GRIK2: variants seen among roughly 807,000 people sequenced by gnomAD.
GRIK2 encodes glutamate ionotropic receptor kainate type subunit 2, also known as glutamate receptor ionotropic, kainate 2.
A neutral mutation model predicts 100.3 loss-of-function variants in GRIK2; 32 were observed. The ratio of observed to expected loss-of-function variants is 0.32; its 90% CI spans 0.24 to 0.43. The LOEUF (loss-of-function observed/expected upper bound fraction) is 0.43. Ranked by LOEUF, GRIK2 falls within the 20% of genes least tolerant of loss-of-function variation. The pLI, the probability that GRIK2 is intolerant of heterozygous loss-of-function variation, is 1.00. For synonymous variants in GRIK2, 417 were observed against 389.4 expected, an observed-to-expected ratio of 1.07 and a Z score of -0.83; for missense variants, 843 against 1,114.9, an observed-to-expected ratio of 0.76 and a Z score of 3.47.
chr6:101,563,846 C>T (rs548717448), intron 2 of GRIK2, among the ~76,000 whole-genome samples: 3 of 151,954 alleles, frequency 2.0e-5, no homozygotes, highest in East Asian at 1.9e-4. Context: ...CTGATTTTAG[C>T]ACATTTTAGT....
intron 2 of GRIK2, among the ~76,000 whole-genome samples, chr6:101,432,799 A>G (rs1769482957): frequency 6.6e-6 from 1 of 152,200 alleles, no homozygotes; most frequent in South Asian, 2.1e-4. Flanking sequence ...TATTTTCTTG[A>G]GAAGGGATCA....
Position 101,799,634 on chromosome 6 carries a change from C to G in GRIK2, c.952-14C>G, listed in dbSNP as rs754498923. The G allele has an allele frequency of 3.7e-6, 6 of 1,609,400 alleles. No individual in the cohort carries two copies. The highest frequency in any genetic ancestry group is 5.1e-6 in the Non-Finnish European group (6 of 1,175,868). On this transcript the variant is annotated splice_polypyrimidine_tract_variant and intron_variant, in intron 7 of 16. Coordinates refer to ENST00000369134, the MANE Select transcript of GRIK2 (RefSeq NM_021956.5). ...TTATATTGACTATAAATTTCCCTTT[C>G]CCTTGCTTTTCAGACTGATGCTGCT...
At chr6:101,681,369 G>T (rs998646530) in intron 5 of GRIK2, among the ~76,000 whole-genome samples, 1 of 151,112 alleles carries the variant, frequency 6.6e-6, no homozygotes, top group Non-Finnish European at 1.5e-5. Flanking sequence ...GGGACTAAAG[G>T]CATGTGCCAC....
intron 10 of GRIK2, among the ~76,000 whole-genome samples, chr6:101,827,604 A>C (rs1169301859): frequency 6.6e-6 from 1 of 152,000 alleles, no homozygotes; most frequent in Non-Finnish European, 1.5e-5. Context: ...GGTGGAAAAC[A>C]AAAAAAGGAC....
chr6:101,470,679 CTT>C (rs1429708363), intron 2 of GRIK2, among the ~76,000 whole-genome samples: 3 of 152,020 alleles, frequency 2.0e-5, no homozygotes, highest in Non-Finnish European at 4.4e-5. Flanking sequence ...TATACTCAGA[CTT>C]TGTGAGTCTT....
At chr6:101,550,526 T>C (rs761129432) in intron 2 of GRIK2, among the ~76,000 whole-genome samples, 6 of 152,226 alleles carry the variant, frequency 3.9e-5, no homozygotes, top group Non-Finnish European at 8.8e-5. Flanking sequence ...AACAGCTTTG[T>C]AATGTCATTG....
intron 2 of GRIK2, among the ~76,000 whole-genome samples, chr6:101,459,713 G>T (rs1200334205): frequency 6.6e-6 from 1 of 151,926 alleles, no homozygotes; most frequent in Non-Finnish European, 1.5e-5. Flanking sequence ...GCTCACTCTA[G>T]AGTGTCCTCA....
chr6:101,484,906 C>T (rs1314153775), intron 2 of GRIK2, among the ~76,000 whole-genome samples: 2 of 152,084 alleles, frequency 1.3e-5, no homozygotes, highest in African/African-American at 2.4e-5. Context: ...TCACTGGAAA[C>T]ATTTATCACT....
At chr6:101,687,076 ATAAG>A (rs941004160) in intron 7 of GRIK2, among the ~76,000 whole-genome samples, 2 of 152,088 alleles carry the variant, frequency 1.3e-5, no homozygotes, top group African/African-American at 4.8e-5. Context: ...TTATTTTTAA[ATAAG>A]TAATCAATAT....
intron 7 of GRIK2, among the ~76,000 whole-genome samples, chr6:101,781,101 ATTTAC>A (rs951007521): frequency 2.0e-5 from 3 of 151,666 alleles, no homozygotes; most frequent in African/African-American, 4.8e-5. Flanking sequence ...GTTTTTTTCT[ATTTAC>A]TTTATATGTT....
chr6:101,615,959 G>C (rs534372978), intron 2 of GRIK2, among the ~76,000 whole-genome samples: 1 of 151,846 alleles, frequency 6.6e-6, no homozygotes, highest in East Asian at 1.9e-4. Flanking sequence ...ATATGCCCCT[G>C]ATTTCCTGCC....
intron 2 of GRIK2, among the ~76,000 whole-genome samples, chr6:101,593,396 T>A (rs2128307467): frequency 6.6e-6 from 1 of 151,956 alleles, no homozygotes; most frequent in South Asian, 2.1e-4. Context: ...TAATAATAAT[T>A]AAGATTTCTG....
At chr6:101,722,592 C>T (rs1487881598) in intron 7 of GRIK2, among the ~76,000 whole-genome samples, 1 of 151,980 alleles carries the variant, frequency 6.6e-6, no homozygotes, top group Non-Finnish European at 1.5e-5. Flanking sequence ...ATTTTAGTTC[C>T]ATTTTATAAG....
intron 7 of GRIK2, among the ~76,000 whole-genome samples, chr6:101,697,957 A>G (rs1340956836): frequency 6.6e-6 from 1 of 152,094 alleles, no homozygotes; most frequent in Non-Finnish European, 1.5e-5. Flanking sequence ...ACTTTAGTGC[A>G]GATGCTACTA....
At chr6:101,686,096 A>T in intron 6 of GRIK2, 84 bp from the exon 7 acceptor site, 2 of 1,176,330 alleles carry the variant, frequency 1.7e-6, no homozygotes, top group Non-Finnish European at 2.4e-6. Flanking sequence ...ACCTAAAAAA[A>T]ACAAAAAAAG....
At chr6:101,737,612 A>G (rs1218128428) in intron 7 of GRIK2, among the ~76,000 whole-genome samples, 1 of 152,158 alleles carries the variant, frequency 6.6e-6, no homozygotes, top group Non-Finnish European at 1.5e-5. Context: ...ACATGTGGCA[A>G]TTATGGGAGC....
intron 2 of GRIK2, among the ~76,000 whole-genome samples, chr6:101,583,218 A>G (rs769521384): frequency 5.3e-5 from 8 of 152,080 alleles, no homozygotes; most frequent in African/African-American, 1.9e-4. Context: ...AATAAAGGGG[A>G]GTCGGCTGGT....
At position 101,818,432 on chromosome 6, in the gene GRIK2, G is replaced by T. The variant is rs376836256; in HGVS notation, c.1266G>T (p.Ala422=). 1 of 1,611,822 alleles carries T rather than the reference G, an allele frequency of 6.2e-7. No individual in the cohort carries two copies. The highest frequency in any genetic ancestry group is 1.7e-5 in the Admixed American group (1 of 59,996). The part of the protein sequence containing the change: ...NMTESQKGKP[A]NITDSLSNRS... The stretch of plus-strand genomic sequence containing the variant: ...CAGAAAGTCAAAAGGGAAAGCCAGC[G>T]AACATCACAGATTCCTTATCCAATC... Residue 422 remains alanine (A), a synonymous_variant, in exon 10 of 17, where the codon GCG becomes GCT. Transcript: ENST00000369134.
intron 14 of GRIK2, among the ~76,000 whole-genome samples, chr6:101,973,809 T>C (rs1793205957): frequency 6.6e-6 from 1 of 151,922 alleles, no homozygotes; most frequent in Non-Finnish European, 1.5e-5. Context: ...ATTATTGTTA[T>C]CAAATAGGTG....
Sources: allele counts gnomAD v4.1 joint callset (sites outside exome capture counted in the v4.1 genomes callset), GRCh38; gene constraint gnomAD v4.1.1; transcripts MANE v1.5; gene names NCBI Gene and HGNC (gene_info 2026-07-23, HGNC 2026-07-21).